Variants in DTNBP1 observed in about 807,000 individuals in gnomAD.
DTNBP1 encodes the protein dysbindin.
Under a neutral mutation model 42.8 loss-of-function variants are expected in DTNBP1, and 35 were observed. The observed-to-expected ratio is 0.82, with a 90% CI of 0.63 to 1.09. The LOEUF is 1.09. Among genes scored for constraint, DTNBP1 ranks in the 50% least tolerant of loss-of-function variants. The probability of loss-of-function intolerance (pLI) is 0.00; values close to 1 mark genes in which losing one functional copy is unlikely to be tolerated. For missense variants in DTNBP1, 457 were observed against 424.2 expected, an observed-to-expected ratio of 1.08 and a Z score of -0.68; for synonymous variants, 171 against 162.2, an observed-to-expected ratio of 1.05 and a Z score of -0.41.
intron 8 of DTNBP1, among the ~76,000 whole-genome samples, chr6:15,526,213 G>GTAT (rs1221335413): frequency 1.3e-5 from 2 of 152,188 alleles, no homozygotes; most frequent in African/African-American, 4.8e-5. Context: ...TCTCGCTAGA[G>GTAT]GCATAGTGAA....
At chr6:15,607,427 A>C (rs1239735233) in intron 6 of DTNBP1, among the ~76,000 whole-genome samples, 1 of 151,600 alleles carries the variant, frequency 6.6e-6, no homozygotes, top group African/African-American at 2.4e-5. Flanking sequence ...TCAGCCTCCC[A>C]AGTAGCTGGG....
chr6:15,565,355 C>T (rs1775023998), intron 7 of DTNBP1, among the ~76,000 whole-genome samples: 1 of 152,214 alleles, frequency 6.6e-6, no homozygotes. Flanking sequence ...AGGATGAAAA[C>T]ATGTGCACAC....
chr6:15,581,272 C>G (rs1296210468), intron 7 of DTNBP1, among the ~76,000 whole-genome samples: 3 of 152,108 alleles, frequency 2.0e-5, no homozygotes, highest in African/African-American at 7.2e-5. Flanking sequence ...CTCTGCCACC[C>G]AGGTTCAAGC....
At chr6:15,594,956 AC>A (rs1271810648) in intron 6 of DTNBP1, among the ~76,000 whole-genome samples, 1 of 152,182 alleles carries the variant, frequency 6.6e-6, no homozygotes, top group African/African-American at 2.4e-5. Flanking sequence ...TCCAGCAACT[AC>A]TATTAAATAC....
chr6:15,614,928 A>C, intron 6 of DTNBP1: 1 of 390,150 alleles, frequency 2.6e-6, no homozygotes, highest in Non-Finnish European at 4.9e-6. Context: ...CTAGTAATGG[A>C]GGAGAAGAGC....
chr6:15,549,491 TAAA>T (rs1171397685), intron 7 of DTNBP1, among the ~76,000 whole-genome samples: 1 of 77,950 alleles, frequency 1.3e-5, no homozygotes, highest in South Asian at 4.2e-4. Context: ...TCTCAGGGAT[TAAA>T]AAAAAAAAAA....
intron 6 of DTNBP1, among the ~76,000 whole-genome samples, chr6:15,610,658 TGAA>T (rs1758338675): frequency 6.6e-6 from 1 of 152,152 alleles, no homozygotes; most frequent in Non-Finnish European, 1.5e-5. Flanking sequence ...AATGAACACA[TGAA>T]CGATAAGAAA....
chr6:15,551,741 C>T (rs1774222217), intron 7 of DTNBP1, among the ~76,000 whole-genome samples: 1 of 152,204 alleles, frequency 6.6e-6, no homozygotes, highest in South Asian at 2.1e-4. Context: ...AACATGGAAG[C>T]TTTAGTGCCT....
intron 7 of DTNBP1, among the ~76,000 whole-genome samples, chr6:15,561,832 A>G (rs541184181): frequency 6.6e-6 from 1 of 152,360 alleles, no homozygotes; most frequent in Admixed American, 6.5e-5. Context: ...AGGATGCAGT[A>G]AAGAAGCCAG....
At chr6:15,638,479 T>A (rs900267432) in intron 3 of DTNBP1, among the ~76,000 whole-genome samples, 1 of 152,096 alleles carries the variant, frequency 6.6e-6, no homozygotes, top group African/African-American at 2.4e-5. Flanking sequence ...AACACAATAG[T>A]AATAATTGTT....
chr6:15,582,088 A>G (rs1310952579), intron 7 of DTNBP1, among the ~76,000 whole-genome samples: 1 of 152,216 alleles, frequency 6.6e-6, no homozygotes, highest in East Asian at 1.9e-4. Context: ...ATACAGTTAA[A>G]GATGAAATCT....
intron 7 of DTNBP1, among the ~76,000 whole-genome samples, chr6:15,588,658 T>C (rs1776174480): frequency 1.3e-5 from 2 of 152,246 alleles, no homozygotes; most frequent in African/African-American, 4.8e-5. Flanking sequence ...TCCTTGCCTC[T>C]CTGTCCAACT....
At chr6:15,574,618 AT>A (rs1775485432) in intron 7 of DTNBP1, among the ~76,000 whole-genome samples, 1 of 152,240 alleles carries the variant, frequency 6.6e-6, no homozygotes, top group Non-Finnish European at 1.5e-5. Flanking sequence ...GTGCACAGAA[AT>A]AAACATTCCT....
At chr6:15,584,428 T>TA (rs1197469455) in intron 7 of DTNBP1, among the ~76,000 whole-genome samples, 1 of 152,062 alleles carries the variant, frequency 6.6e-6, no homozygotes, top group Non-Finnish European at 1.5e-5. Context: ...ACTGATAAGT[T>TA]TTTTCCTGAA....
At chr6:15,560,872 C>A (rs545339653) in intron 7 of DTNBP1, among the ~76,000 whole-genome samples, 2 of 152,176 alleles carry the variant, frequency 1.3e-5, no homozygotes, top group Non-Finnish European at 2.9e-5. Flanking sequence ...AGATTCCTTA[C>A]GGAAGAAAGT....
At chr6:15,584,438 A>G (rs1775971666) in intron 7 of DTNBP1, among the ~76,000 whole-genome samples, 1 of 152,062 alleles carries the variant, frequency 6.6e-6, no homozygotes, top group African/African-American at 2.4e-5. Flanking sequence ...TTTTTCCTGA[A>G]CACTTAATAA....
At chr6:15,578,786 G>C (rs1775691837) in intron 7 of DTNBP1, among the ~76,000 whole-genome samples, 1 of 152,112 alleles carries the variant, frequency 6.6e-6, no homozygotes, top group African/African-American at 2.4e-5. Context: ...ATGCCCAAAA[G>C]GTATGTGAAA....
chr6:15,535,547 C>A (rs2127800404), intron 7 of DTNBP1, among the ~76,000 whole-genome samples: 1 of 152,240 alleles, frequency 6.6e-6, no homozygotes, highest in African/African-American at 2.4e-5. Context: ...CAAACTCCTA[C>A]CTCAAGTGAT....
In DTNBP1 at chr6:15,651,700, C is replaced by T. The variant is rs1028794195; in HGVS notation, c.111-337G>A. Among the ~76,000 whole-genome samples the T allele has an allele frequency of 1.1e-4, 16 of 152,208 alleles. 1 individual carries two copies. The highest frequency in any genetic ancestry group is 3.9e-4 in the African/African-American group (16 of 41,540). The stretch of plus-strand genomic sequence containing the variant: ...TTACTTTATTAAAAAAATGGACAAA[C>T]AGCACAATCCTGGTGTTTTCATACA... On this transcript the variant is annotated intron_variant, in intron 2 of 9. Transcript: ENST00000344537.
Sources: gnomAD v4.1 joint callset for allele counts (sites outside exome capture counted in the v4.1 genomes callset) on GRCh38, gnomAD v4.1.1 for gene constraint, MANE v1.5 for transcripts, NCBI Gene and HGNC (gene_info 2026-07-23, HGNC 2026-07-21) for gene names.